Variants in PRIM2 observed in about 807,000 individuals in gnomAD.
The protein encoded by PRIM2 is DNA primase subunit 2, also known as DNA primase large subunit.
A neutral mutation model predicts 67.3 loss-of-function variants in PRIM2; 39 were observed. The ratio of observed to expected loss-of-function variants is 0.58; its 90% CI spans 0.45 to 0.76. PRIM2 has a LOEUF of 0.76. Ranked by LOEUF, PRIM2 falls within the 30% of genes least tolerant of loss-of-function variation. PRIM2 has a pLI of 0.00. For missense variants in PRIM2, 398 were observed against 598.7 expected (o/e 0.66, Z 3.50); for synonymous variants, 143 against 198.7 (o/e 0.72, Z 2.36).
At chr6:57,438,532 T>C (rs1220205282) in intron 7 of PRIM2, among the ~76,000 whole-genome samples, 4 of 152,226 alleles carry the variant, frequency 2.6e-5, no homozygotes, top group African/African-American at 9.6e-5. Flanking sequence ...TGAATATTGG[T>C]ACATAAGAAG....
intron 10 of PRIM2, among the ~76,000 whole-genome samples, chr6:57,545,627 T>C (rs1384906402): frequency 5.9e-5 from 9 of 151,440 alleles, no homozygotes; most frequent in Admixed American, 5.3e-4. Flanking sequence ...AGAGGTGGGG[T>C]TTCTTCATGT....
chr6:57,583,405 A>T (rs1320140270), intron 10 of PRIM2, among the ~76,000 whole-genome samples: 1 of 137,458 alleles, frequency 7.3e-6, no homozygotes, highest in Non-Finnish European at 1.5e-5. Flanking sequence ...TTCAGTTCCC[A>T]CCTATGAGTG....
Position 57,426,028 on chromosome 6 carries a change from A to G in PRIM2, c.693+43860A>G, listed in dbSNP as rs561264063. On this transcript the variant is annotated intron_variant, in intron 7 of 13. Coordinates refer to ENST00000615550, the MANE Select transcript of PRIM2 (RefSeq NM_000947.5). The stretch of plus-strand genomic sequence containing the variant: ...TCAATATTTCTTTTCACATAAAGAT[A>G]TATTTTAATTCAAATATGATAATTG... Among the ~76,000 whole-genome samples the G allele has an allele frequency of 8.5e-5, 13 of 152,326 alleles. No homozygotes were observed. The East Asian group carries it at 1.4e-3, about 16-fold the overall frequency.
chr6:57,309,925 A>T (rs1767350426), upstream of PRIM2, among the ~76,000 whole-genome samples: 1 of 152,230 alleles, frequency 6.6e-6, no homozygotes, highest in Admixed American at 6.5e-5. Flanking sequence ...ATGGCAACAA[A>T]AGACAAAATT....
chr6:57,564,882 T>G (rs1264500970), intron 10 of PRIM2, among the ~76,000 whole-genome samples: 16 of 152,396 alleles, frequency 1.0e-4, no homozygotes, highest in Non-Finnish European at 2.2e-4. Context: ...GCACTTACTC[T>G]GCTGCTGCAG....
the PRIM2 span, among the ~76,000 whole-genome samples, chr6:57,303,957 G>A: frequency 2.6e-5 from 4 of 152,066 alleles, no homozygotes; most frequent in East Asian, 7.7e-4. Flanking sequence ...TATAATTGTT[G>A]GGGGAAAAAC....
intron 7 of PRIM2, among the ~76,000 whole-genome samples, chr6:57,492,761 C>A (rs1248581394): frequency 1.3e-5 from 2 of 152,074 alleles, no homozygotes; most frequent in Non-Finnish European, 2.9e-5. Context: ...AACTCAGTAG[C>A]CACATGTGGC....
chr6:57,463,542 C>G (rs1312367600), intron 7 of PRIM2, among the ~76,000 whole-genome samples: 1 of 152,138 alleles, frequency 6.6e-6, no homozygotes, highest in Non-Finnish European at 1.5e-5. Context: ...GATAATATCT[C>G]TGGTTGTTTC....
chr6:57,514,603 A>G (rs1340019938), intron 8 of PRIM2, among the ~76,000 whole-genome samples: 1 of 152,184 alleles, frequency 6.6e-6, no homozygotes, highest in Admixed American at 6.5e-5. Context: ...GCTGTGTAAG[A>G]TATTAATAAA....
At chr6:57,597,464 A>G (rs1159348959) in intron 10 of PRIM2, among the ~76,000 whole-genome samples, 2 of 151,864 alleles carry the variant, frequency 1.3e-5, no homozygotes, top group Admixed American at 1.3e-4. Flanking sequence ...TGTTTAAACT[A>G]GGACACCAAA....
At chr6:57,316,163 T>G (rs1477886061), upstream of PRIM2, among the ~76,000 whole-genome samples, 1 of 152,164 alleles carries the variant, frequency 6.6e-6, no homozygotes, top group African/African-American at 2.4e-5. Context: ...ATCTAGAAAA[T>G]ACGTTTAATA....
chr6:57,372,096 T>G (rs1769581544), intron 5 of PRIM2, among the ~76,000 whole-genome samples: 1 of 152,230 alleles, frequency 6.6e-6, no homozygotes, highest in Non-Finnish European at 1.5e-5. Context: ...GCTCTGACCC[T>G]TTAAAATTTT....
intron 10 of PRIM2, among the ~76,000 whole-genome samples, chr6:57,558,502 T>C (rs2127477339): frequency 6.6e-6 from 1 of 152,224 alleles, no homozygotes; most frequent in African/African-American, 2.4e-5. Flanking sequence ...AACCATGGTT[T>C]GGCTAAACAC....
the PRIM2 span, among the ~76,000 whole-genome samples, chr6:57,290,212 A>G: frequency 6.6e-6 from 1 of 152,174 alleles, no homozygotes; most frequent in Non-Finnish European, 1.5e-5. Context: ...CTGATAAAAC[A>G]GACTTAGTCT....
chr6:57,361,211 T>C (rs1187146144), intron 5 of PRIM2, among the ~76,000 whole-genome samples: 1 of 152,140 alleles, frequency 6.6e-6, no homozygotes, highest in Admixed American at 6.6e-5. Context: ...TTTGGCAGTG[T>C]AGGTAGTGCT....
chr6:57,535,814 G>A (rs1774990389), intron 9 of PRIM2, among the ~76,000 whole-genome samples: 1 of 151,978 alleles, frequency 6.6e-6, no homozygotes, highest in South Asian at 2.1e-4. Context: ...ATAGTGAGCC[G>A]AGATGGCACT....
chr6:57,585,413 A>C (rs1341871749), intron 10 of PRIM2, among the ~76,000 whole-genome samples: 1 of 152,248 alleles, frequency 6.6e-6, no homozygotes, highest in Non-Finnish European at 1.5e-5. Context: ...AGTATAGAAC[A>C]GGGTTCAATT....
intron 10 of PRIM2, among the ~76,000 whole-genome samples, chr6:57,553,675 C>CA (rs1775449104): frequency 6.6e-6 from 1 of 151,764 alleles, no homozygotes; most frequent in Non-Finnish European, 1.5e-5. Context: ...CTTGAGGCTC[C>CA]ATTACTTGCT....
intron 7 of PRIM2, among the ~76,000 whole-genome samples, chr6:57,444,492 G>T (rs111336989): frequency 0.069 from 10,524 of 151,796 alleles, 516 homozygotes; most frequent in East Asian, 0.2. Flanking sequence ...GCTTGAACCT[G>T]GGAGGCAGAG....
Sources: gnomAD v4.1 joint callset for allele counts (sites outside exome capture counted in the v4.1 genomes callset) on GRCh38, gnomAD v4.1.1 for gene constraint, MANE v1.5 for transcripts, NCBI Gene and HGNC (gene_info 2026-07-23, HGNC 2026-07-21) for gene names.